AMPH: variants seen among roughly 807,000 people sequenced by gnomAD.
AMPH encodes amphiphysin (Stiff-Mann syndrome with breast cancer 128kD autoantigen).
AMPH carries 49 observed loss-of-function variants against 99.1 expected under a neutral mutation model. The observed-to-expected ratio is 0.49, with a 90% CI of 0.39 to 0.63. AMPH has a LOEUF of 0.63. Ranked by LOEUF, AMPH falls within the 20% of genes least tolerant of loss-of-function variation. The pLI is 0.00. For missense variants in AMPH, 759 were observed against 863.4 expected, an observed-to-expected ratio of 0.88 and a Z score of 1.52; for synonymous variants, 314 against 317.3, an observed-to-expected ratio of 0.99 and a Z score of 0.11.
At chr7:38,480,566 C>A (rs557739775) in intron 5 of AMPH, among the ~76,000 whole-genome samples, 1 of 152,262 alleles carries the variant, frequency 6.6e-6, no homozygotes, top group South Asian at 2.1e-4. Flanking sequence ...GGGCAGTTAA[C>A]CTCTTTGGCT....
At chr7:38,591,254 C>T (rs1792843838) in intron 1 of AMPH, among the ~76,000 whole-genome samples, 1 of 151,510 alleles carries the variant, frequency 6.6e-6, no homozygotes, top group Admixed American at 6.6e-5. Context: ...TCTTGGAAGC[C>T]CAATGCCTCC....
chr7:38,399,066 C>T (rs1210469077), intron 17 of AMPH, among the ~76,000 whole-genome samples: 1 of 152,120 alleles, frequency 6.6e-6, no homozygotes, highest in Admixed American at 6.5e-5. Flanking sequence ...CAGGAAAATA[C>T]CGAAATTAAC....
At chr7:38,420,855 G>A (rs556077795) in intron 16 of AMPH, 53 of 425,856 alleles carry the variant, frequency 1.2e-4, no homozygotes, top group African/African-American at 8.9e-4. Flanking sequence ...GATGTCCTGC[G>A]GGGCTGTATG....
intron 1 of AMPH, among the ~76,000 whole-genome samples, chr7:38,554,587 C>A (rs1014661724): frequency 6.6e-6 from 1 of 152,240 alleles, no homozygotes; most frequent in South Asian, 2.1e-4. Context: ...AACTAAATAT[C>A]CAAAAATAGT....
At chr7:38,466,053 G>C (rs777039498) in intron 8 of AMPH, 120 bp downstream of exon 8, 127 of 774,430 alleles carry the variant, frequency 1.6e-4, no homozygotes, top group Non-Finnish European at 2.4e-4. Context: ...ATAACACACT[G>C]CTAAAAGAAA....
chr7:38,499,987 G>A (rs1789075584), intron 3 of AMPH, among the ~76,000 whole-genome samples: 3 of 152,160 alleles, frequency 2.0e-5, no homozygotes, highest in African/African-American at 7.2e-5. Context: ...GCAGCCATGT[G>A]GAACTGTGAG....
At chr7:38,513,391 G>A (rs1304521523) in intron 2 of AMPH, among the ~76,000 whole-genome samples, 2 of 152,180 alleles carry the variant, frequency 1.3e-5, no homozygotes, top group East Asian at 3.9e-4. Flanking sequence ...GACACCCATT[G>A]AACCTGGGAA....
chr7:38,590,639 G>T (rs1792822257), intron 1 of AMPH, among the ~76,000 whole-genome samples: 1 of 152,150 alleles, frequency 6.6e-6, no homozygotes, highest in South Asian at 2.1e-4. Flanking sequence ...AGCCTAATTT[G>T]TATTTTAGTG....
intron 1 of AMPH, among the ~76,000 whole-genome samples, chr7:38,609,750 T>A (rs891587196): frequency 1.7e-4 from 8 of 47,416 alleles, no homozygotes; most frequent in Non-Finnish European, 3.6e-4. Context: ...GGTAATAGAT[T>A]GCAGGTGCTG....
At chr7:38,529,913 A>C (rs1488348305) in intron 2 of AMPH, among the ~76,000 whole-genome samples, 2 of 152,182 alleles carry the variant, frequency 1.3e-5, no homozygotes, top group Non-Finnish European at 2.9e-5. Context: ...ACATTAACAT[A>C]TATACTGTGG....
intron 1 of AMPH, among the ~76,000 whole-genome samples, chr7:38,584,573 C>A (rs1020067639): frequency 6.6e-5 from 10 of 152,184 alleles, no homozygotes; most frequent in Non-Finnish European, 8.8e-5. Flanking sequence ...AAGCTCCCTG[C>A]AGAGATATGC....
intron 1 of AMPH, among the ~76,000 whole-genome samples, chr7:38,582,781 G>A (rs529978823): frequency 3.9e-5 from 6 of 152,262 alleles, no homozygotes; most frequent in South Asian, 2.1e-4. Flanking sequence ...CATCGGGGAC[G>A]CACAGGGTCC....
chr7:38,526,432 G>GTTTTTT (rs1395538196), intron 2 of AMPH, among the ~76,000 whole-genome samples: 1 of 27,910 alleles, frequency 3.6e-5, no homozygotes. Context: ...ACCATGCCCG[G>GTTTTTT]CTTTTTTTTT....
At chr7:38,455,236 A>T (rs1190383171) in intron 11 of AMPH, among the ~76,000 whole-genome samples, 1 of 151,900 alleles carries the variant, frequency 6.6e-6, no homozygotes, top group East Asian at 1.9e-4. Flanking sequence ...ATGCCCGGCT[A>T]ATTTTTGTAT....
At chr7:38,599,048 T>C (rs1793157412) in intron 1 of AMPH, among the ~76,000 whole-genome samples, 2 of 152,234 alleles carry the variant, frequency 1.3e-5, no homozygotes, top group Non-Finnish European at 1.5e-5. Flanking sequence ...TGCCTAAATG[T>C]AGCTTTGATT....
At chr7:38,623,990 A>G (rs1165150580) in intron 1 of AMPH, among the ~76,000 whole-genome samples, 1 of 152,240 alleles carries the variant, frequency 6.6e-6, no homozygotes, top group African/African-American at 2.4e-5. Context: ...CCCACCATGT[A>G]TAGAATCCAT....
intron 1 of AMPH, among the ~76,000 whole-genome samples, chr7:38,564,842 C>T (rs1293815036): frequency 3.9e-5 from 6 of 152,120 alleles, no homozygotes; most frequent in South Asian, 2.1e-4. Flanking sequence ...AGAAAAGAAC[C>T]GGCCGGGCGC....
At chr7:38,530,754 C>T (rs1190066855) in intron 2 of AMPH, among the ~76,000 whole-genome samples, 2 of 152,164 alleles carry the variant, frequency 1.3e-5, no homozygotes, top group Admixed American at 1.3e-4. Flanking sequence ...ACTGGTAGAA[C>T]TGAAAGCAGG....
At chr7:38,627,374 T>G (rs1794290575) in intron 1 of AMPH, among the ~76,000 whole-genome samples, 1 of 58,578 alleles carries the variant, frequency 1.7e-5, no homozygotes, top group Non-Finnish European at 3.5e-5. Context: ...AAACCCCGTC[T>G]CTACTAAAAA....
Sources: gnomAD v4.1 joint callset for allele counts (sites outside exome capture counted in the v4.1 genomes callset) on GRCh38, gnomAD v4.1.1 for gene constraint, MANE v1.5 for transcripts, NCBI Gene and HGNC (gene_info 2026-07-23, HGNC 2026-07-21) for gene names.